Variants in WWOX observed in about 807,000 individuals in gnomAD.
WWOX encodes WW domain-containing oxidoreductase.
A neutral mutation model predicts 46.2 loss-of-function variants in WWOX; 69 were observed. The observed-to-expected ratio is 1.49, with a 90% confidence interval of 1.23 to 1.82. WWOX has a LOEUF of 1.82. Ranked by LOEUF, WWOX falls within the 40% of genes most tolerant of loss-of-function variation. WWOX has a pLI of 0.00. For missense variants in WWOX, 919 were observed against 542.6 expected (o/e 1.69, Z -6.89); for synonymous variants, 359 against 202.6 (o/e 1.77, Z -6.56).
intron 8 of WWOX, among the ~76,000 whole-genome samples, chr16:78,454,561 A>G (rs2083771767): frequency 6.6e-6 from 1 of 152,182 alleles, no homozygotes; most frequent in Admixed American, 6.5e-5. Flanking sequence ...GCTGCAGTGC[A>G]ATGGCACGAT....
At chr16:78,373,244 A>T (rs771284565) in intron 5 of WWOX, among the ~76,000 whole-genome samples, 11 of 152,136 alleles carry the variant, frequency 7.2e-5, no homozygotes, top group Non-Finnish European at 1.5e-4. Context: ...GCACAATTTT[A>T]CCAAAAGTCT....
chr16:79,032,318 T>G (rs1012610309), intron 8 of WWOX, among the ~76,000 whole-genome samples: 1 of 146,060 alleles, frequency 6.8e-6, no homozygotes, highest in Non-Finnish European at 1.5e-5. Flanking sequence ...TAATATGTAG[T>G]CTATATATTA....
At chr16:79,056,360 A>G (rs914880144) in intron 8 of WWOX, among the ~76,000 whole-genome samples, 7 of 152,354 alleles carry the variant, frequency 4.6e-5, no homozygotes, top group African/African-American at 1.7e-4. Context: ...ACTGTAATAC[A>G]TGGAGGAGTT....
chr16:79,162,310 C>G, intron 8 of WWOX, among the ~76,000 whole-genome samples: 1 of 152,314 alleles, frequency 6.6e-6, no homozygotes, highest in East Asian at 1.9e-4. Flanking sequence ...TTTACTTCTT[C>G]AAAGTACAGT....
At chr16:78,916,266 C>A (rs765603900) in intron 8 of WWOX, among the ~76,000 whole-genome samples, 1 of 151,838 alleles carries the variant, frequency 6.6e-6, no homozygotes, top group Non-Finnish European at 1.5e-5. Context: ...TCAGCGCTTT[C>A]TACTGCAGGG....
chr16:79,058,416 T>G (rs2048304084), intron 8 of WWOX, among the ~76,000 whole-genome samples: 1 of 152,070 alleles, frequency 6.6e-6, no homozygotes, highest in African/African-American at 2.4e-5. Flanking sequence ...TTATTGTTGT[T>G]ACCATTTATT....
intron 8 of WWOX, among the ~76,000 whole-genome samples, chr16:79,051,101 G>T (rs772853212): frequency 1.3e-5 from 2 of 152,170 alleles, no homozygotes; most frequent in African/African-American, 4.8e-5. Flanking sequence ...AAAATAAACA[G>T]GTGTGACTGC....
intron 8 of WWOX, among the ~76,000 whole-genome samples, chr16:78,546,226 G>A (rs2044028373): frequency 1.3e-5 from 2 of 152,174 alleles, no homozygotes; most frequent in African/African-American, 4.8e-5. Flanking sequence ...ACCTTGTGTA[G>A]GAGCTAGAGA....
chr16:78,124,509 C>T (rs1364683652), intron 4 of WWOX, among the ~76,000 whole-genome samples: 1 of 152,088 alleles, frequency 6.6e-6, no homozygotes, highest in African/African-American at 2.4e-5. Context: ...CACTAGGAGG[C>T]CTTCTTGGAA....
At chr16:78,887,468 A>AACACACACACAC (rs78503110) in intron 8 of WWOX, among the ~76,000 whole-genome samples, 1 of 135,956 alleles carries the variant, frequency 7.4e-6, no homozygotes, top group African/African-American at 2.9e-5. Flanking sequence ...AAGTATATAA[A>AACACACACACAC]ACACACACAC....
In WWOX at chr16:78,825,531, G is replaced by C. The variant is rs76203933; in HGVS notation, c.1057-386077G>C. On this transcript the variant is annotated intron_variant, in intron 8 of 8. Transcript: ENST00000566780. ...ATTTGGCTTCCCACAGGGCATTGTA[G>C]AGCTTTATGCTGAAAAGGTGGCCCC... 2.4e-3 allele frequency: 1,256 copies of C among 522,996 alleles called. 11 individuals carry two copies. Among genetic ancestry groups the C allele is most frequent in the African/African-American group, 0.021 (1,114 of 51,978 alleles). The allele number at this position is 522,996 out of a possible 1,614,324, so 32.4% of individuals were successfully genotyped here.
At chr16:78,366,969 ATTTTTTTTTTTTT>A (rs544239767) in intron 5 of WWOX, among the ~76,000 whole-genome samples, 3 of 74,242 alleles carry the variant, frequency 4.0e-5, no homozygotes, top group East Asian at 4.1e-4. Context: ...CAAAAGTTAC[ATTTTTTTTTTTTT>A]TTTTTTTTTT....
chr16:79,113,968 C>A (rs1236560213), intron 8 of WWOX, among the ~76,000 whole-genome samples: 1 of 152,182 alleles, frequency 6.6e-6, no homozygotes, highest in Non-Finnish European at 1.5e-5. Flanking sequence ...TCTTGACAAG[C>A]CATGTCTATG....
At chr16:78,777,138 G>A (rs150429822) in intron 8 of WWOX, among the ~76,000 whole-genome samples, 119 of 152,194 alleles carry the variant, frequency 7.8e-4, no homozygotes, top group African/African-American at 2.5e-3. Flanking sequence ...ATTGTTTCTT[G>A]GTTTCTAGGG....
chr16:79,074,910 C>T (rs535514441), intron 8 of WWOX, among the ~76,000 whole-genome samples: 1 of 151,762 alleles, frequency 6.6e-6, no homozygotes, highest in South Asian at 2.1e-4. Flanking sequence ...AAACGTTTTG[C>T]CAAAGTGTAG....
At chr16:78,954,870 G>C (rs963802046) in intron 8 of WWOX, among the ~76,000 whole-genome samples, 1 of 152,100 alleles carries the variant, frequency 6.6e-6, no homozygotes, top group Admixed American at 6.5e-5. Flanking sequence ...GCTCACTCCA[G>C]TCTTGAGCTC....
chr16:78,944,391 C>T (rs1184309286), intron 8 of WWOX, among the ~76,000 whole-genome samples: 6 of 152,148 alleles, frequency 3.9e-5, no homozygotes, highest in East Asian at 1.9e-4. Context: ...GCTCAAGACA[C>T]GTTTGTTGCA....
In WWOX at chr16:78,381,793, G is replaced by A. The variant is rs374659328; in HGVS notation, c.517-5067G>A. ...TGGATAGGTAGGTGGGAAGATAAATGGATAGACATATAGGTAGGAAGGAAT... is the reference window on the plus strand; with the variant it reads ...TGGATAGGTAGGTGGGAAGATAAATAGATAGACATATAGGTAGGAAGGAAT... On this transcript the variant is annotated intron_variant, in intron 5 of 8. Coordinates refer to ENST00000566780, the MANE Select transcript of WWOX (RefSeq NM_016373.4). Among the ~76,000 whole-genome samples, 8 of 152,208 alleles carry A rather than the reference G, an allele frequency of 5.3e-5. No homozygotes were observed. The East Asian group carries it at 1.2e-3, about 22-fold the overall frequency.
chr16:78,552,540 G>T (rs970907305), intron 8 of WWOX: 1 of 152,162 alleles, frequency 6.6e-6, no homozygotes, highest in African/African-American at 2.4e-5. Flanking sequence ...GCAGCTGGAG[G>T]GTCCAGGAGC....
Sources: gnomAD v4.1 joint callset for allele counts (sites outside exome capture counted in the v4.1 genomes callset) on GRCh38, gnomAD v4.1.1 for gene constraint, MANE v1.5 for transcripts, NCBI Gene and HGNC (gene_info 2026-07-23, HGNC 2026-07-21) for gene names.